GRID1: variants seen among roughly 807,000 people sequenced by gnomAD.
The protein encoded by GRID1 is glutamate receptor ionotropic, delta-1.
GRID1 carries 28 observed loss-of-function variants against 98.0 expected under a neutral mutation model. The ratio of observed to expected loss-of-function variants is 0.29; its 90% confidence interval spans 0.21 to 0.39. The LOEUF (loss-of-function observed/expected upper bound fraction) is 0.39, where lower values mean the gene tolerates loss of function less well. Ranked by LOEUF, GRID1 falls within the 10% of genes least tolerant of loss-of-function variation. The pLI, the probability that GRID1 is intolerant of heterozygous loss-of-function variation, is 1.00. For missense variants in GRID1, 1,111 were observed against 1,340.5 expected, an observed-to-expected ratio of 0.83 and a Z score of 2.67; for synonymous variants, 553 against 538.5, an observed-to-expected ratio of 1.03 and a Z score of -0.37.
At chr10:86,063,339 GCT>G (rs1843674481) in intron 4 of GRID1, among the ~76,000 whole-genome samples, 2 of 152,208 alleles carry the variant, frequency 1.3e-5, no homozygotes, top group African/African-American at 4.8e-5. Context: ...GCATAAAGGA[GCT>G]CATGGTGAAC....
intron 2 of GRID1, among the ~76,000 whole-genome samples, chr10:86,288,977 C>T (rs58267360): frequency 6.6e-6 from 1 of 152,334 alleles, no homozygotes; most frequent in South Asian, 2.1e-4. Context: ...CCCACCATGT[C>T]TGTCCAGGCT....
chr10:85,807,842 ATT>A (rs1842636977), intron 8 of GRID1, among the ~76,000 whole-genome samples: 1 of 152,208 alleles, frequency 6.6e-6, no homozygotes. Flanking sequence ...TAAGTTTATT[ATT>A]CACAAGACTC....
chr10:86,189,139 G>A (rs1296266659), intron 3 of GRID1, among the ~76,000 whole-genome samples: 1 of 152,114 alleles, frequency 6.6e-6, no homozygotes, highest in African/African-American at 2.4e-5. Flanking sequence ...CTAAAAGTGG[G>A]GGTCATGTCT....
At position 86,334,045 on chromosome 10, in the gene GRID1, C is replaced by A. The variant is rs374272194; in HGVS notation, c.235+29896G>T. ...TTCCCTCAAGCTGTGCGCTGCCTGG[C>A]CAGGGGAAGCCCCTCACCTCCTACA... On this transcript the variant is annotated intron_variant, in intron 2 of 15. Transcript: ENST00000327946. Among the ~76,000 whole-genome samples, 12 of 152,128 alleles carry A rather than the reference C, an allele frequency of 7.9e-5. No individual in the cohort carries two copies. In the East Asian group the frequency reaches 2.1e-3, roughly 27 times the overall value.
intron 2 of GRID1, among the ~76,000 whole-genome samples, chr10:86,285,618 G>A (rs1430181589): frequency 1.3e-5 from 2 of 152,186 alleles, no homozygotes; most frequent in African/African-American, 4.8e-5. Context: ...GCCCACACAG[G>A]GCTTCCAGGA....
intron 2 of GRID1, among the ~76,000 whole-genome samples, chr10:86,327,150 A>C (rs1387640026): frequency 6.6e-6 from 1 of 152,144 alleles, no homozygotes; most frequent in Non-Finnish European, 1.5e-5. Flanking sequence ...ACAACAACAA[A>C]AAGAATTTGA....
intron 5 of GRID1, among the ~76,000 whole-genome samples, chr10:85,888,944 G>A (rs1331952475): frequency 1.3e-5 from 2 of 152,008 alleles, no homozygotes; most frequent in African/African-American, 4.8e-5. Flanking sequence ...GAACATTCAG[G>A]GTAGGTCAAA....
intron 4 of GRID1, among the ~76,000 whole-genome samples, chr10:86,098,333 T>TG (rs1245538428): frequency 2.8e-4 from 43 of 152,330 alleles, no homozygotes; most frequent in African/African-American, 8.7e-4. Context: ...TGTGCATTCT[T>TG]GTGTCTTGCT....
chr10:86,161,317 G>C (rs1466555479), intron 3 of GRID1, among the ~76,000 whole-genome samples: 3 of 152,156 alleles, frequency 2.0e-5, no homozygotes, highest in Non-Finnish European at 4.4e-5. Context: ...CCTGCATAGG[G>C]GGTGGTGTAA....
Position 85,785,023 on chromosome 10 carries a change from C to G in GRID1, c.1234-55409G>C, listed in dbSNP as rs566671314. ...TTGCAGAGGAGATCCCCGATGCTCTCCCTTGTATGTAGATAGCATAATGTC... is the reference window on the plus strand; with the variant it reads ...TTGCAGAGGAGATCCCCGATGCTCTGCCTTGTATGTAGATAGCATAATGTC... On this transcript the variant is annotated intron_variant, in intron 8 of 15. Coordinates refer to ENST00000327946, the MANE Select transcript of GRID1 (RefSeq NM_017551.3). Among the ~76,000 whole-genome samples the G allele has an allele frequency of 5.3e-5, 8 of 152,266 alleles. No individual in the cohort carries two copies. The South Asian group carries it at 1.7e-3, about 32-fold the overall frequency.
At chr10:85,943,888 G>A (rs1842024291) in intron 4 of GRID1, among the ~76,000 whole-genome samples, 2 of 152,230 alleles carry the variant, frequency 1.3e-5, no homozygotes, top group Admixed American at 1.3e-4. Context: ...CCGGAGTCTG[G>A]ATTGGCTGTG....
At chr10:86,085,112 C>A (rs117378884) in intron 4 of GRID1, among the ~76,000 whole-genome samples, 2 of 152,180 alleles carry the variant, frequency 1.3e-5, no homozygotes, top group Non-Finnish European at 2.9e-5. Context: ...CAGGAAGAAA[C>A]CCCCGTGATA....
intron 4 of GRID1, among the ~76,000 whole-genome samples, chr10:86,010,317 C>T (rs898465275): frequency 6.6e-6 from 1 of 152,020 alleles, no homozygotes; most frequent in African/African-American, 2.4e-5. Flanking sequence ...GCTATAGCAG[C>T]GAACACAAAC....
intron 6 of GRID1, among the ~76,000 whole-genome samples, chr10:85,857,778 A>G (rs544667369): frequency 2.6e-5 from 4 of 152,276 alleles, no homozygotes; most frequent in Admixed American, 2.6e-4. Context: ...AAGATCAAAT[A>G]GGCTCCTTGG....
intron 13 of GRID1, among the ~76,000 whole-genome samples, chr10:85,629,459 C>A (rs1357674319): frequency 6.6e-6 from 1 of 152,002 alleles, no homozygotes; most frequent in East Asian, 1.9e-4. Context: ...ATTTAGCTCC[C>A]ACTTAAAAGT....
In GRID1 at chr10:86,105,620, G is replaced by C. The variant is rs529098225; in HGVS notation, c.726+33199C>G. 2.0e-5 allele frequency among the ~76,000 whole-genome samples: 3 copies of C among 152,322 alleles called. No homozygotes were observed. The South Asian group carries it at 6.2e-4, about 32-fold the overall frequency. ...CCCAGCAGTGTCCGGGGCACACGGA[G>C]CCTTCATTCCCCATTCAGCAAGCAC... is the stretch of plus-strand genomic sequence containing the variant. On this transcript the variant is annotated intron_variant, in intron 4 of 15. Transcript: ENST00000327946.
intron 8 of GRID1, among the ~76,000 whole-genome samples, chr10:85,831,311 T>C (rs1311091344): frequency 1.3e-5 from 2 of 152,030 alleles, no homozygotes; most frequent in East Asian, 1.9e-4. Flanking sequence ...AGGGAGAGGA[T>C]TGAAAAGCTA....
At chr10:85,716,615 T>C (rs1841642695) in intron 12 of GRID1, among the ~76,000 whole-genome samples, 1 of 148,644 alleles carries the variant, frequency 6.7e-6, no homozygotes, top group African/African-American at 2.5e-5. Flanking sequence ...TGTACATATA[T>C]AACGTATATA....
chr10:86,154,397 G>A (rs2131982215), intron 3 of GRID1, among the ~76,000 whole-genome samples: 1 of 152,274 alleles, frequency 6.6e-6, no homozygotes, highest in Admixed American at 6.5e-5. Context: ...CAAGGGCTGA[G>A]CCAGGAGGTC....
Sources: allele counts gnomAD v4.1 joint callset (sites outside exome capture counted in the v4.1 genomes callset), GRCh38; gene constraint gnomAD v4.1.1; transcripts MANE v1.5; gene names NCBI Gene and HGNC (gene_info 2026-07-23, HGNC 2026-07-21).